The following ENTREP2 variants were observed in gnomAD, a reference collection of about 807,000 sequenced individuals.
ENTREP2 encodes protein ENTREP2.
the ENTREP2 span, among the ~76,000 whole-genome samples, chr15:29,356,098 T>A: frequency 6.6e-6 from 1 of 151,492 alleles, no homozygotes; most frequent in Admixed American, 6.6e-5. Context: ...CTCATTGAAC[T>A]CTATTCTTAA....
chr15:29,184,342 A>G, the ENTREP2 span, among the ~76,000 whole-genome samples: 1 of 152,216 alleles, frequency 6.6e-6, no homozygotes, highest in Non-Finnish European at 1.5e-5. Context: ...GGAGATGCAC[A>G]GAACAAGGAC....
At chr15:29,133,806 C>T in the ENTREP2 span, among the ~76,000 whole-genome samples, 1 of 152,192 alleles carries the variant, frequency 6.6e-6, no homozygotes, top group African/African-American at 2.4e-5. Flanking sequence ...AACTACAGCT[C>T]CTGTCATCTG....
the ENTREP2 span, among the ~76,000 whole-genome samples, chr15:29,361,975 A>G: frequency 6.6e-6 from 1 of 152,222 alleles, no homozygotes; most frequent in Non-Finnish European, 1.5e-5. Flanking sequence ...CTTGGGGTCC[A>G]GCTACATGCA....
chr15:29,149,992 T>C, the ENTREP2 span, among the ~76,000 whole-genome samples: 3 of 152,232 alleles, frequency 2.0e-5, no homozygotes, highest in Non-Finnish European at 4.4e-5. Flanking sequence ...TGCCTTTCCC[T>C]TGCACAGTAT....
At chr15:29,157,083 C>T in the ENTREP2 span, among the ~76,000 whole-genome samples, 6 of 152,062 alleles carry the variant, frequency 3.9e-5, no homozygotes, top group East Asian at 1.9e-4. Context: ...GGCGACAAAG[C>T]GAGACTCTGT....
At chr15:29,159,539 G>A in the ENTREP2 span, among the ~76,000 whole-genome samples, 35 of 152,280 alleles carry the variant, frequency 2.3e-4, no homozygotes, top group Non-Finnish European at 4.0e-4. Flanking sequence ...GAGCCGATTG[G>A]TCCATTTTAC....
At chr15:29,449,772 GACAA>G in the ENTREP2 span, among the ~76,000 whole-genome samples, 1 of 152,158 alleles carries the variant, frequency 6.6e-6, no homozygotes, top group Non-Finnish European at 1.5e-5. Context: ...GTTTTAATTA[GACAA>G]ACATTTTGTA....
chr15:29,124,545 C>T, the ENTREP2 span: 10 of 652,720 alleles, frequency 1.5e-5, no homozygotes, highest in South Asian at 1.9e-5. Flanking sequence ...GAAAGGCCCT[C>T]AAAGCCAGAC....
At chr15:29,653,210 C>G in the ENTREP2 span, among the ~76,000 whole-genome samples, 4 of 152,202 alleles carry the variant, frequency 2.6e-5, no homozygotes, top group Admixed American at 2.6e-4. Context: ...AGCAGCTACC[C>G]AAGTACTTTG....
chr15:29,397,363 C>G, the ENTREP2 span, among the ~76,000 whole-genome samples: 2 of 152,034 alleles, frequency 1.3e-5, no homozygotes, highest in East Asian at 3.9e-4. Flanking sequence ...TGCACTCCAG[C>G]CTGGGCGACA....
the ENTREP2 span, among the ~76,000 whole-genome samples, chr15:29,342,116 G>A: frequency 3.3e-5 from 5 of 152,332 alleles, no homozygotes; most frequent in South Asian, 1.0e-3. Flanking sequence ...CAGGGCAGAA[G>A]GTGCCCTGAT....
At chr15:29,387,739 C>T in the ENTREP2 span, among the ~76,000 whole-genome samples, 1 of 152,122 alleles carries the variant, frequency 6.6e-6, no homozygotes, top group Non-Finnish European at 1.5e-5. Flanking sequence ...GCTACAGTAA[C>T]CAAAACAGCA....
chr15:29,265,784 A>G, the ENTREP2 span: 1 of 152,260 alleles, frequency 6.6e-6, no homozygotes, highest in Non-Finnish European at 1.5e-5. Flanking sequence ...ATAAATGATG[A>G]AAAACTGGTG....
At chr15:29,653,889 GA>G in the ENTREP2 span, among the ~76,000 whole-genome samples, 1 of 152,110 alleles carries the variant, frequency 6.6e-6, no homozygotes, top group African/African-American at 2.4e-5. Flanking sequence ...CCAGAAATCG[GA>G]AAGAATCTGG....
chr15:29,645,288 AATAG>A, the ENTREP2 span, among the ~76,000 whole-genome samples: 1 of 152,240 alleles, frequency 6.6e-6, no homozygotes, highest in Non-Finnish European at 1.5e-5. Flanking sequence ...GGTGAAAAAA[AATAG>A]ATGTAGATCC....
chr15:29,185,139 T>C, the ENTREP2 span, among the ~76,000 whole-genome samples: 1 of 151,876 alleles, frequency 6.6e-6, no homozygotes, highest in Non-Finnish European at 1.5e-5. Flanking sequence ...AATAATATAA[T>C]ACCTTCCAGA....
At chr15:29,306,664 A>ATTTTTTTTTTTTTTTTTTTTTTTTTTTT in the ENTREP2 span, among the ~76,000 whole-genome samples, 3 of 77,338 alleles carry the variant, frequency 3.9e-5, 1 homozygote, top group Non-Finnish European at 8.7e-5. Flanking sequence ...ATAATTGGTA[A>ATTTTTTTTTTTTTTTTTTTTTTTTTTTT]TTTTTTTTTT....
At chr15:29,521,184 G>A in the ENTREP2 span, among the ~76,000 whole-genome samples, 1 of 152,128 alleles carries the variant, frequency 6.6e-6, no homozygotes, top group African/African-American at 2.4e-5. Context: ...GAATTATCCA[G>A]CCCAAAATGT....
the ENTREP2 span, among the ~76,000 whole-genome samples, chr15:29,129,420 C>T: frequency 6.5e-3 from 983 of 152,344 alleles, 5 homozygotes; most frequent in Non-Finnish European, 0.012. Context: ...GGCCACAGAG[C>T]CACCTGAGCC....
Sources: allele counts gnomAD v4.1 joint callset (sites outside exome capture counted in the v4.1 genomes callset), GRCh38; gene constraint gnomAD v4.1.1; transcripts MANE v1.5; gene names NCBI Gene and HGNC (gene_info 2026-07-23, HGNC 2026-07-21).